The following USP32 variants were observed in gnomAD, a reference collection of about 807,000 sequenced individuals.
USP32 encodes ubiquitin specific peptidase 32.
Under a neutral mutation model 204.8 loss-of-function variants are expected in USP32, and 59 were observed. The observed-to-expected ratio is 0.29, with a 90% confidence interval of 0.23 to 0.36. The LOEUF (loss-of-function observed/expected upper bound fraction) is 0.36, where lower values mean the gene tolerates loss of function less well. Ranked by LOEUF, USP32 falls within the 10% of genes least tolerant of loss-of-function variation. The pLI is 1.00. For missense variants in USP32, 1,160 were observed against 1,946.4 expected (o/e 0.60, Z 7.60); for synonymous variants, 517 against 678.4 (o/e 0.76, Z 3.70).
intron 9 of USP32, among the ~76,000 whole-genome samples, chr17:60,265,152 T>A (rs2145764506): frequency 6.6e-6 from 1 of 152,334 alleles, no homozygotes; most frequent in South Asian, 2.1e-4. Context: ...GATGATAGGC[T>A]ATAGTTGCCA....
At chr17:60,389,618 C>T (rs1248561648) in intron 1 of USP32, among the ~76,000 whole-genome samples, 1 of 150,686 alleles carries the variant, frequency 6.6e-6, no homozygotes, top group African/African-American at 2.5e-5. Flanking sequence ...ACTAAATGGA[C>T]CATGCTTAAA....
chr17:60,240,149 C>G (rs1199356040), intron 11 of USP32, among the ~76,000 whole-genome samples: 1 of 152,226 alleles, frequency 6.6e-6, no homozygotes, highest in African/African-American at 2.4e-5. Context: ...TGTGCTTCCT[C>G]AAAGAGAATT....
At chr17:60,207,364 C>T (rs115834539) in intron 24 of USP32, among the ~76,000 whole-genome samples, 8,743 of 151,058 alleles carry the variant, frequency 0.058, 933 homozygotes, top group African/African-American at 0.2. Flanking sequence ...GTGTTATATA[C>T]GACTGACTTC....
At chr17:60,308,445 G>A (rs1003302516) in intron 2 of USP32, among the ~76,000 whole-genome samples, 1 of 152,064 alleles carries the variant, frequency 6.6e-6, no homozygotes, top group African/African-American at 2.4e-5. Flanking sequence ...GGGGGACAAG[G>A]GAACCTTTCC....
chr17:60,360,606 C>T (rs2089186621), intron 1 of USP32, among the ~76,000 whole-genome samples: 1 of 151,826 alleles, frequency 6.6e-6, no homozygotes, highest in South Asian at 2.1e-4. Flanking sequence ...TGCAGGGAGG[C>T]AGAGGTTGCA....
intron 7 of USP32, 119 bp from the exon 8 acceptor site, chr17:60,266,210 G>C (rs1363824979): frequency 8.7e-6 from 6 of 688,966 alleles, no homozygotes; most frequent in East Asian, 2.7e-5. Context: ...ATGTATTCTG[G>C]AACAGTTCTC....
intron 12 of USP32, among the ~76,000 whole-genome samples, chr17:60,235,031 C>G (rs192885671): frequency 1.6e-4 from 25 of 152,256 alleles, no homozygotes; most frequent in Non-Finnish European, 2.9e-4. Flanking sequence ...TGGTAGGCAA[C>G]AATAAACCAG....
At chr17:60,183,540 A>C in intron 30 of USP32, 87 bp from the exon 31 acceptor site, 2 of 1,453,610 alleles carry the variant, frequency 1.4e-6, no homozygotes, top group Non-Finnish European at 1.9e-6. Context: ...AATACATGTG[A>C]ATGTTTGGGA....
intron 11 of USP32, among the ~76,000 whole-genome samples, chr17:60,237,424 T>C (rs1203980312): frequency 2.0e-5 from 3 of 152,012 alleles, no homozygotes; most frequent in African/African-American, 7.2e-5. Flanking sequence ...CCAAAAACTA[T>C]TTATTTTTTT....
At chr17:60,240,481 AAG>A (rs1395755000) in intron 11 of USP32, among the ~76,000 whole-genome samples, 2 of 145,052 alleles carry the variant, frequency 1.4e-5, no homozygotes, top group African/African-American at 2.9e-5. Context: ...GAGGAAGAGA[AAG>A]AGAAAAAAGG....
At chr17:60,222,813 C>T (rs2085288549) in intron 14 of USP32, among the ~76,000 whole-genome samples, 1 of 151,026 alleles carries the variant, frequency 6.6e-6, no homozygotes, top group Non-Finnish European at 1.5e-5. Flanking sequence ...TCCCGAGTAT[C>T]TGGGATTACA....
rs1242384081 is a variant in USP32, at chr17:60,355,845, A to AG, written c.59-10238_59-10237insC. Among the ~76,000 whole-genome samples, 9 of 140,924 alleles carry AG rather than the reference A, an allele frequency of 6.4e-5. No homozygotes were observed. In the South Asian group the frequency reaches 8.5e-4, roughly 13 times the overall value. 92.5% of individuals were successfully genotyped at this position (140,924 alleles called of 152,430 possible). ...CTCACTCTCTCAAAAAAAAAAAAAA[A>AG]AGAGAGAGAAAGAAAAAAAAAAAAG... On this transcript the variant is annotated intron_variant, in intron 1 of 33. Coordinates refer to ENST00000300896, the MANE Select transcript of USP32 (RefSeq NM_032582.4).
chr17:60,336,039 C>A (rs1408031321), intron 2 of USP32, among the ~76,000 whole-genome samples: 1 of 142,682 alleles, frequency 7.0e-6, no homozygotes, highest in East Asian at 1.9e-4. Flanking sequence ...GGTTAATACA[C>A]CAAGAATTTG....
Position 60,218,362 on chromosome 17 carries a change from C to T in USP32, c.1867+1308G>A, listed in dbSNP as rs545638761. On this transcript the variant is annotated intron_variant, in intron 16 of 33. Coordinates refer to ENST00000300896, the MANE Select transcript of USP32 (RefSeq NM_032582.4). Reference sequence around the variant, plus strand: ...TCGTGCCACTCCACTTCAGCCTGGGCGACAGAGCAAGACTCCATCTCGAAA... The same window carrying T: ...TCGTGCCACTCCACTTCAGCCTGGGTGACAGAGCAAGACTCCATCTCGAAA... Among the ~76,000 whole-genome samples, 204 of 151,144 alleles carry T rather than the reference C, an allele frequency of 1.3e-3. 1 individual carries two copies. Among genetic ancestry groups the T allele is most frequent in the African/African-American group, 4.8e-3 (198 of 41,138 alleles).
rs2145711167 is a variant in USP32 at position 60,252,433 on chromosome 17, T to C, written c.1084A>G (p.Ile362Val). Reference protein sequence around the residue: ...FLNLLFQVCHIVLGLRPATPE... With the variant: ...FLNLLFQVCHVVLGLRPATPE... Reference sequence around the variant, plus strand: ...GTAGCTGGTCTTAACCCCAGAACTATGTGACACACCTAGGGAAAAAAATGG... The same window carrying C: ...GTAGCTGGTCTTAACCCCAGAACTACGTGACACACCTAGGGAAAAAAATGG... Residue 362 changes from isoleucine (I) to valine (V), a missense_variant, in exon 11 of 34, where the codon ATA becomes GTA. Transcript: ENST00000300896. The C allele has an allele frequency of 1.2e-6, 2 of 1,609,090 alleles. No homozygotes were observed. The highest frequency in any genetic ancestry group is 2.2e-5 in the East Asian group (1 of 44,526).
At chr17:60,328,865 G>A (rs1260081185) in intron 2 of USP32, among the ~76,000 whole-genome samples, 1 of 149,344 alleles carries the variant, frequency 6.7e-6, no homozygotes, top group Non-Finnish European at 1.5e-5. Context: ...TACCTGCTCT[G>A]TGGCAGCAGC....
chr17:60,397,577 G>C (rs985762255), intron 1 of USP32, among the ~76,000 whole-genome samples: 1 of 152,042 alleles, frequency 6.6e-6, no homozygotes, highest in African/African-American at 2.4e-5. Flanking sequence ...GCCCAGGCTG[G>C]TCTCAAACTC....
intron 2 of USP32, among the ~76,000 whole-genome samples, chr17:60,319,401 A>C (rs543090263): frequency 6.6e-6 from 1 of 152,288 alleles, no homozygotes; most frequent in South Asian, 2.1e-4. Context: ...CACAACAAAA[A>C]TTTTAAAACA....
chr17:60,365,956 G>A (rs1282291319), intron 1 of USP32, among the ~76,000 whole-genome samples: 2 of 151,976 alleles, frequency 1.3e-5, no homozygotes, highest in Non-Finnish European at 2.9e-5. Flanking sequence ...TTAGAGAGAG[G>A]GTCTCGCTCC....
Sources: gnomAD v4.1 joint callset for allele counts (sites outside exome capture counted in the v4.1 genomes callset) on GRCh38, gnomAD v4.1.1 for gene constraint, MANE v1.5 for transcripts, NCBI Gene and HGNC (gene_info 2026-07-23, HGNC 2026-07-21) for gene names.